The following AKAP6 variants were observed in gnomAD, a reference collection of about 807,000 sequenced individuals.
The protein encoded by AKAP6 is A-kinase anchoring protein 6, also known as A-kinase anchor protein 6.
Under a neutral mutation model 188.5 loss-of-function variants are expected in AKAP6, and 58 were observed. That is an observed-to-expected ratio of 0.31 (90% confidence interval 0.25 to 0.38). AKAP6 has a LOEUF of 0.38. Ranked by LOEUF, AKAP6 falls within the 10% of genes least tolerant of loss-of-function variation. The pLI is 1.00. For synonymous variants in AKAP6, 989 were observed against 998.6 expected (o/e 0.99, Z 0.18); for missense variants, 2,710 against 2,740.0 (o/e 0.99, Z 0.24).
intron 5 of AKAP6, among the ~76,000 whole-genome samples, chr14:32,582,717 T>C (rs1217802957): frequency 6.6e-6 from 1 of 152,206 alleles, no homozygotes; most frequent in African/African-American, 2.4e-5. Context: ...TAAACTTCCC[T>C]TCTCGCTTCA....
intron 4 of AKAP6, among the ~76,000 whole-genome samples, chr14:32,570,786 C>T (rs1480996415): frequency 6.6e-6 from 1 of 152,208 alleles, no homozygotes; most frequent in Non-Finnish European, 1.5e-5. Flanking sequence ...GCCACACTGG[C>T]TTATGAGAAG....
At chr14:32,355,439 C>T (rs1313601751) in intron 1 of AKAP6, among the ~76,000 whole-genome samples, 1 of 151,850 alleles carries the variant, frequency 6.6e-6, no homozygotes, top group Non-Finnish European at 1.5e-5. Flanking sequence ...CCCAGATGTT[C>T]TTGAATTGTG....
At position 32,627,162 on chromosome 14, in the gene AKAP6, A is replaced by C. The variant is rs544971996; in HGVS notation, c.2730+26370A>C. Among the ~76,000 whole-genome samples the C allele has an allele frequency of 2.6e-5, 4 of 152,294 alleles. No individual in the cohort carries two copies. In the East Asian group the frequency reaches 7.7e-4, roughly 29 times the overall value. ...TGCTTACATCTGAATGTACCATCAAATGCTCAGTTCATTCATCTTGTATCT... is the reference window on the plus strand; with the variant it reads ...TGCTTACATCTGAATGTACCATCAACTGCTCAGTTCATTCATCTTGTATCT... On this transcript the variant is annotated intron_variant, in intron 7 of 13. Coordinates refer to ENST00000280979, the MANE Select transcript of AKAP6 (RefSeq NM_004274.5).
intron 2 of AKAP6, among the ~76,000 whole-genome samples, chr14:32,481,991 A>AGGGCCTT (rs200747427): frequency 0.011 from 1,731 of 152,250 alleles, 14 homozygotes; most frequent in East Asian, 0.026. Flanking sequence ...CCATCTTGGA[A>AGGGCCTT]CAAATTGAAG....
chr14:32,513,343 A>T (rs1881352401), intron 2 of AKAP6, among the ~76,000 whole-genome samples: 1 of 152,204 alleles, frequency 6.6e-6, no homozygotes, highest in African/African-American at 2.4e-5. Context: ...AATTCTGCTA[A>T]ACTTAAGGAA....
At chr14:32,795,017 A>T (rs866053014) in intron 12 of AKAP6, among the ~76,000 whole-genome samples, 1 of 152,212 alleles carries the variant, frequency 6.6e-6, no homozygotes, top group African/African-American at 2.4e-5. Context: ...CTCTATGCAC[A>T]TAAACTAGAA....
At position 32,566,865 on chromosome 14, in the gene AKAP6, A is replaced by G. The variant is rs568967113; in HGVS notation, c.2347-10255A>G. Among the ~76,000 whole-genome samples, 18 of 152,306 alleles carry G rather than the reference A, an allele frequency of 1.2e-4. 1 individual carries two copies. In the South Asian group the frequency reaches 3.3e-3, roughly 28 times the overall value. On this transcript the variant is annotated intron_variant, in intron 4 of 13. Transcript: ENST00000280979. ...ATTAGGTCTGCGTACTTGATTACAC[A>G]GCACCTAAGTTCTTCTGGCTCAGCT...
At chr14:32,669,216 G>A (rs1358688712) in intron 7 of AKAP6, among the ~76,000 whole-genome samples, 1 of 152,138 alleles carries the variant, frequency 6.6e-6, no homozygotes, top group African/African-American at 2.4e-5. Flanking sequence ...AATAAATGAA[G>A]GGCCTGAATC....
At chr14:32,417,760 G>A (rs1291624418) in intron 1 of AKAP6, 3 of 151,238 alleles carry the variant, frequency 2.0e-5, no homozygotes, top group Non-Finnish European at 4.4e-5. Context: ...TATTCTTCAG[G>A]CTTTTTTTTG....
chr14:32,469,898 C>A (rs1372803426), intron 2 of AKAP6, among the ~76,000 whole-genome samples: 1 of 152,064 alleles, frequency 6.6e-6, no homozygotes, highest in African/African-American at 2.4e-5. Context: ...TATCGCTTTT[C>A]AAATCAGATG....
chr14:32,500,903 G>A (rs1429887437), intron 2 of AKAP6, among the ~76,000 whole-genome samples: 1 of 152,064 alleles, frequency 6.6e-6, no homozygotes. Flanking sequence ...GGGCAGGTAT[G>A]TATACAGGGA....
chr14:32,483,476 A>C (rs8005075), intron 2 of AKAP6, among the ~76,000 whole-genome samples: 1 of 151,752 alleles, frequency 6.6e-6, no homozygotes, highest in Non-Finnish European at 1.5e-5. Flanking sequence ...TGTCTTTTTT[A>C]AAAAAATTAT....
intron 1 of AKAP6, among the ~76,000 whole-genome samples, chr14:32,405,132 C>T (rs1889245446): frequency 6.6e-6 from 1 of 151,926 alleles, no homozygotes; most frequent in Non-Finnish European, 1.5e-5. Flanking sequence ...CTGTATGAAC[C>T]CAATCAGAAG....
chr14:32,450,306 T>C (rs575751379), intron 2 of AKAP6, among the ~76,000 whole-genome samples: 1 of 151,492 alleles, frequency 6.6e-6, no homozygotes, highest in African/African-American at 2.4e-5. Flanking sequence ...TAGGGTGAGC[T>C]GGGATGTGTG....
At chr14:32,513,312 C>T (rs1403552092) in intron 2 of AKAP6, among the ~76,000 whole-genome samples, 3 of 152,270 alleles carry the variant, frequency 2.0e-5, no homozygotes, top group Middle Eastern at 3.4e-3. Flanking sequence ...AGTGTATTTT[C>T]CTTACCTATG....
At chr14:32,808,878 A>G (rs572455601) in intron 12 of AKAP6, among the ~76,000 whole-genome samples, 3 of 152,116 alleles carry the variant, frequency 2.0e-5, no homozygotes, top group Non-Finnish European at 4.4e-5. Flanking sequence ...TGTTTATTCT[A>G]TTTCTTTTGG....
rs117400467 is a variant in AKAP6, at chr14:32,356,344, C to T, written c.-35+26936C>T. Among the ~76,000 whole-genome samples, 1,075 of 152,222 alleles carry T rather than the reference C, an allele frequency of 7.1e-3. 6 individuals carry two copies. The highest frequency in any genetic ancestry group is 0.012 in the Non-Finnish European group (837 of 68,018). ...TCTTGCGGACTCACAGGTTTATATC[C>T]TCAGCCTGGACATCTATATACAGAG... is the stretch of plus-strand genomic sequence containing the variant. On this transcript the variant is annotated intron_variant, in intron 1 of 13. Transcript: ENST00000280979.
chr14:32,499,997 A>G (rs537177260), intron 2 of AKAP6, among the ~76,000 whole-genome samples: 1 of 152,264 alleles, frequency 6.6e-6, no homozygotes, highest in East Asian at 1.9e-4. Flanking sequence ...CAATATATCT[A>G]TATTTAGCTC....
In AKAP6 at chr14:32,822,526, T is replaced by C; in HGVS notation, c.4713T>C (p.Leu1571=). ...CTCATAGTTCATCTATTGAGTCCCT[T>C]TCTCCAGGGGGTGATTTATTTGGAT... is the stretch of plus-strand genomic sequence containing the variant. The part of the protein sequence containing the change: ...LLSHSSSIES[L]SPGGDLFGLG... The change falls in exon 13 of 14, where the codon CTT becomes CTC. Residue 1571 remains leucine, a synonymous_variant. Transcript: ENST00000280979. 1 of 1,614,036 alleles carries C rather than the reference T, an allele frequency of 6.2e-7. No homozygotes were observed. The highest frequency in any genetic ancestry group is 8.5e-7 in the Non-Finnish European group (1 of 1,179,956).
Sources: gnomAD v4.1 joint callset for allele counts (sites outside exome capture counted in the v4.1 genomes callset) on GRCh38, gnomAD v4.1.1 for gene constraint, MANE v1.5 for transcripts, NCBI Gene and HGNC (gene_info 2026-07-23, HGNC 2026-07-21) for gene names.